GRB10: variants seen among roughly 807,000 people sequenced by gnomAD.
GRB10 encodes the protein growth factor receptor-bound protein 10.
GRB10 carries 20 observed loss-of-function variants against 80.9 expected under a neutral mutation model. The ratio of observed to expected loss-of-function variants is 0.25; its 90% CI spans 0.17 to 0.36. The LOEUF (loss-of-function observed/expected upper bound fraction) is 0.36, where lower values mean the gene tolerates loss of function less well. Ranked by LOEUF, GRB10 falls within the 10% of genes least tolerant of loss-of-function variation. GRB10 has a pLI of 1.00. For synonymous variants in GRB10, 291 were observed against 291.5 expected, an observed-to-expected ratio of 1.00 and a Z score of 0.02; for missense variants, 548 against 747.7, an observed-to-expected ratio of 0.73 and a Z score of 3.12.
chr7:50,739,742 T>C (rs1342339410), intron 3 of GRB10, among the ~76,000 whole-genome samples: 3 of 152,220 alleles, frequency 2.0e-5, no homozygotes, highest in Non-Finnish European at 4.4e-5. Flanking sequence ...CCAACTTCAG[T>C]TGGAGGGCCC....
intron 2 of GRB10, among the ~76,000 whole-genome samples, chr7:50,761,412 A>G (rs567426292): frequency 4.0e-4 from 61 of 152,238 alleles, no homozygotes; most frequent in Admixed American, 1.1e-3. Flanking sequence ...AGAAGATAAC[A>G]GAATTTCTTT....
chr7:50,713,650 A>C (rs1157186490), intron 4 of GRB10, among the ~76,000 whole-genome samples: 14 of 91,250 alleles, frequency 1.5e-4, no homozygotes, highest in Admixed American at 3.3e-4. Flanking sequence ...CTCCCCCATC[A>C]CCTCCACCTC....
intron 5 of GRB10, among the ~76,000 whole-genome samples, chr7:50,693,090 C>T (rs1210776391): frequency 6.6e-6 from 1 of 152,120 alleles, no homozygotes; most frequent in East Asian, 1.9e-4. Flanking sequence ...ATCTAAAGTG[C>T]AAAGTGATTC....
intron 3 of GRB10, among the ~76,000 whole-genome samples, chr7:50,754,974 G>A (rs557723550): frequency 6.6e-6 from 1 of 152,338 alleles, no homozygotes; most frequent in African/African-American, 2.4e-5. Context: ...AAGAGCAGGT[G>A]AGGACACCGC....
At chr7:50,673,417 T>C (rs2060566080) in intron 6 of GRB10, among the ~76,000 whole-genome samples, 1 of 152,100 alleles carries the variant, frequency 6.6e-6, no homozygotes, top group South Asian at 2.1e-4. Flanking sequence ...TCTCAGCACC[T>C]TCACCTTCGA....
At chr7:50,694,891 A>G (rs2063253999) in intron 5 of GRB10, among the ~76,000 whole-genome samples, 1 of 152,250 alleles carries the variant, frequency 6.6e-6, no homozygotes, top group Non-Finnish European at 1.5e-5. Flanking sequence ...TCTCACCCCA[A>G]GAGGAATGCC....
At chr7:50,723,168 T>C (rs540051658) in intron 4 of GRB10, among the ~76,000 whole-genome samples, 1 of 152,316 alleles carries the variant, frequency 6.6e-6, no homozygotes, top group Non-Finnish European at 1.5e-5. Context: ...AGCTTTTTTT[T>C]CTTTAAAAAA....
intron 2 of GRB10, among the ~76,000 whole-genome samples, chr7:50,769,018 T>C (rs2076686403): frequency 6.6e-6 from 1 of 152,162 alleles, no homozygotes; most frequent in South Asian, 2.1e-4. Flanking sequence ...ACACGACTGG[T>C]ATGCAGGCAA....
At chr7:50,629,937 C>G (rs73344858) in intron 7 of GRB10, among the ~76,000 whole-genome samples, 5,078 of 152,312 alleles carry the variant, frequency 0.033, 257 homozygotes, top group African/African-American at 0.11. Context: ...CGCAGCAACT[C>G]ACAGTTCAGA....
chr7:50,609,913 C>A (rs1297766262), intron 13 of GRB10, among the ~76,000 whole-genome samples: 1 of 152,054 alleles, frequency 6.6e-6, no homozygotes. Context: ...CTATGTAGAC[C>A]CAAGTTATAA....
At chr7:50,770,823 G>T (rs1021118151) in intron 2 of GRB10, among the ~76,000 whole-genome samples, 2 of 151,928 alleles carry the variant, frequency 1.3e-5, no homozygotes, top group Non-Finnish European at 2.9e-5. Context: ...ACATATAATG[G>T]GTGAATATTC....
chr7:50,738,422 A>G (rs1333540080), intron 3 of GRB10, among the ~76,000 whole-genome samples: 1 of 152,224 alleles, frequency 6.6e-6, no homozygotes, highest in African/African-American at 2.4e-5. Context: ...TCAACAGACA[A>G]ACAAAATGTG....
At chr7:50,679,492 T>C (rs916723437) in intron 5 of GRB10, among the ~76,000 whole-genome samples, 1 of 152,206 alleles carries the variant, frequency 6.6e-6, no homozygotes, top group Non-Finnish European at 1.5e-5. Flanking sequence ...AAGATGACAC[T>C]GGATTCACTT....
chr7:50,667,737 G>C (rs994320899), intron 7 of GRB10, among the ~76,000 whole-genome samples: 2 of 151,928 alleles, frequency 1.3e-5, no homozygotes, highest in Non-Finnish European at 2.9e-5. Context: ...CATCCTTCCT[G>C]GTCGTTTCTG....
At chr7:50,747,868 C>T (rs1431871177) in intron 3 of GRB10, among the ~76,000 whole-genome samples, 1 of 151,832 alleles carries the variant, frequency 6.6e-6, no homozygotes, top group African/African-American at 2.4e-5. Flanking sequence ...ATAGGAAAGG[C>T]GTGGGAGATG....
chr7:50,746,495 G>A (rs1271204959), intron 3 of GRB10, among the ~76,000 whole-genome samples: 2 of 152,052 alleles, frequency 1.3e-5, no homozygotes, highest in Non-Finnish European at 2.9e-5. Context: ...AATAAGGGAG[G>A]AGCGGGCACC....
At chr7:50,620,977 T>C (rs1425773153) in intron 8 of GRB10, among the ~76,000 whole-genome samples, 1 of 152,146 alleles carries the variant, frequency 6.6e-6, no homozygotes, top group Non-Finnish European at 1.5e-5. Flanking sequence ...AACTAAAAAT[T>C]TTTATCAGGC....
Position 50,592,732 on chromosome 7 carries a change from T to G in GRB10, c.*220A>C. On this transcript the variant is annotated 3_prime_UTR_variant, in exon 19 of 19. Coordinates refer to ENST00000401949, the MANE Select transcript of GRB10 (RefSeq NM_001350814.2). ...GCTGGATCTTCCATGCCCTCCCCAA[T>G]TTGGCCGATGCAGAGGGAGGCGACC... 3.5e-6 allele frequency: 2 copies of G among 579,222 alleles called. No individual in the cohort carries two copies. The highest frequency in any genetic ancestry group is 6.2e-6 in the Non-Finnish European group (2 of 322,308). 35.9% of individuals were successfully genotyped at this position (579,222 alleles called of 1,614,324 possible).
At chr7:50,746,411 G>C (rs1023517324) in intron 3 of GRB10, among the ~76,000 whole-genome samples, 4 of 152,098 alleles carry the variant, frequency 2.6e-5, no homozygotes, top group Non-Finnish European at 1.5e-5. Flanking sequence ...CTTATGATGG[G>C]TTTATCAGAA....
Sources: allele counts gnomAD v4.1 joint callset (sites outside exome capture counted in the v4.1 genomes callset), GRCh38; gene constraint gnomAD v4.1.1; transcripts MANE v1.5; gene names NCBI Gene and HGNC (gene_info 2026-07-23, HGNC 2026-07-21).